Variants in DNTTIP2 observed in about 807,000 individuals in gnomAD.
The protein encoded by DNTTIP2 is deoxynucleotidyltransferase terminal-interacting protein 2.
DNTTIP2 carries 47 observed loss-of-function variants against 62.4 expected under a neutral mutation model. The ratio of observed to expected loss-of-function variants is 0.75; its 90% CI spans 0.60 to 0.96. The LOEUF is 0.96. Among genes scored for constraint, DNTTIP2 ranks in the 40% least tolerant of loss-of-function variants. DNTTIP2 has a pLI of 0.00. For synonymous variants in DNTTIP2, 322 were observed against 300.9 expected (o/e 1.07, Z -0.73); for missense variants, 870 against 849.1 (o/e 1.02, Z -0.31).
intron 1 of DNTTIP2, 40 bp downstream of exon 1, chr1:93,879,037 C>G (rs1424045952): frequency 3.1e-6 from 5 of 1,609,750 alleles, no homozygotes; most frequent in Non-Finnish European, 4.2e-6. Flanking sequence ...GAGCGCGGCT[C>G]TGCGAAGCGG....
intron 1 of DNTTIP2, 97 bp downstream of exon 1, chr1:93,878,980 G>C (rs922729171): frequency 9.5e-6 from 14 of 1,472,498 alleles, no homozygotes; most frequent in Non-Finnish European, 1.3e-5. Context: ...CCTCTCTGTC[G>C]GCAGGTCCTC....
In DNTTIP2 at chr1:93,869,070, T is replaced by C. The variant is rs1655790726; in HGVS notation, c.*781A>G. The C allele has an allele frequency of 6.6e-6, 1 of 151,804 alleles. No homozygotes were observed. The highest frequency in any genetic ancestry group is 2.4e-5 in the African/African-American group (1 of 41,290). The allele number at this position is 151,804 out of a possible 1,614,324, so 9.4% of individuals were successfully genotyped here. A position where few individuals can be genotyped will look rare whatever the true frequency, so the allele number is the denominator to read the frequency against. ...AATAGAGGTAAAGTGAATAGTAACA[T>C]AAAGGAAGCTACAACTCACCAAGTA... On this transcript the variant is annotated 3_prime_UTR_variant, in exon 7 of 7. Transcript: ENST00000436063.
rs757055781 is a variant in DNTTIP2 at position 93,877,191 on chromosome 1, T to C, written c.744A>G (p.Gln248=). 6.2e-7 allele frequency: 1 copy of C among 1,613,842 alleles called. No individual in the cohort carries two copies. Among genetic ancestry groups the C allele is most frequent in the Non-Finnish European group, 8.5e-7 (1 of 1,179,892 alleles). ...TATTTATCTCAGAAAGAGATCTTGC[T>C]TGTAAATGGGAAGTTTGTCTGGTAT... The part of the protein sequence containing the change: ...DSDTRQTSHL[Q]ARSLSEINKP... The change falls in exon 2 of 7, where the codon CAA becomes CAG. Residue 248 remains glutamine (Q), a synonymous_variant. Transcript: ENST00000436063.
In DNTTIP2 at chr1:93,876,788, T is replaced by C. The variant is rs1476640145; in HGVS notation, c.1147A>G (p.Ile383Val). Residue 383 changes from isoleucine (I) to valine (V), a missense_variant, in exon 2 of 7, where the codon ATA (isoleucine) becomes GTA (valine). Coordinates refer to ENST00000436063, the MANE Select transcript of DNTTIP2 (RefSeq NM_014597.5). The part of the protein sequence containing the change: ...GRWNNNKKSP[I>V]KASDLTKFGD... ...AACTTTGTCAAGTCACTTGCTTTTA[T>C]GGGGCTCTTTTTGTTGTTATTCCAT... The C allele has an allele frequency of 3.7e-6, 6 of 1,613,940 alleles. No individual in the cohort carries two copies. The highest frequency in any genetic ancestry group is 5.1e-6 in the Non-Finnish European group (6 of 1,179,884).
At position 93,877,377 on chromosome 1, in the gene DNTTIP2, A is replaced by C. The variant is rs763629508; in HGVS notation, c.558T>G (p.Ala186=). The change falls in exon 2 of 7, where the codon GCT becomes GCG. Residue 186 remains alanine, a synonymous_variant. Transcript: ENST00000436063. ...ATGAAATGTCTGAGCTTGATGTCTC[A>C]GCATCAGATATAGCTTCTGTATGAG... ...QESHTEAISD[A]ETSSSDISFS... 1.2e-6 allele frequency: 2 copies of C among 1,613,828 alleles called. No homozygotes were observed. Among genetic ancestry groups the C allele is most frequent in the South Asian group, 2.2e-5 (2 of 91,086 alleles).
At chr1:93,872,346 G>T in intron 4 of DNTTIP2, 110 bp from the exon 5 acceptor site, 1 of 1,094,506 alleles carries the variant, frequency 9.1e-7, no homozygotes, top group East Asian at 2.5e-5. Flanking sequence ...AAAACAAATG[G>T]TTACTTTATT....
In DNTTIP2 at chr1:93,876,453, A is replaced by T; in HGVS notation, c.1482T>A (p.Thr494=). 1 of 1,613,880 alleles carries T rather than the reference A, an allele frequency of 6.2e-7. No homozygotes were observed. The highest frequency in any genetic ancestry group is 8.5e-7 in the Non-Finnish European group (1 of 1,179,876). The change falls in exon 2 of 7, where the codon ACT becomes ACA. Residue 494 remains threonine, a synonymous_variant. Transcript: ENST00000436063. ...CDNALFVIDT[T]PGMSADKNFY... is the part of the protein sequence containing the mutation. ...AATTTTTATCAGCACTCATTCCAGG[A>T]GTTGTGTCAATTACAAACAATGCAT... is the stretch of plus-strand genomic sequence containing the variant.
chr1:93,878,829 G>A, intron 1 of DNTTIP2: 1 of 506,218 alleles, frequency 2.0e-6, no homozygotes, highest in South Asian at 2.7e-5. Context: ...CTGCATTAAG[G>A]AGTTGAACGA....
In DNTTIP2 at chr1:93,876,598, C is replaced by T. The variant is rs776242483; in HGVS notation, c.1337G>A (p.Ser446Asn). 1.2e-6 allele frequency: 2 copies of T among 1,613,892 alleles called. No homozygotes were observed. The highest frequency in any genetic ancestry group is 2.7e-5 in the African/African-American group (2 of 74,936). ...TTCAGACTGTTGGCTTTCATCACTGCTGAGAACTAGTAAGACAGAATTATC... is the reference window on the plus strand; with the variant it reads ...TTCAGACTGTTGGCTTTCATCACTGTTGAGAACTAGTAAGACAGAATTATC... ...GKDNSVLLVL[S>N]SDESQQSENS... Residue 446 changes from serine to asparagine, a missense_variant, in exon 2 of 7, where the codon AGC becomes AAC. Coordinates refer to ENST00000436063, the MANE Select transcript of DNTTIP2 (RefSeq NM_014597.5).
At chr1:93,873,299 AT>A in intron 3 of DNTTIP2, 85 bp from the exon 4 acceptor site, 1 of 1,087,166 alleles carries the variant, frequency 9.2e-7, no homozygotes, top group Non-Finnish European at 1.3e-6. Context: ...AAGTTTTAAA[AT>A]TTTTAGTCAG....
At position 93,869,678 on chromosome 1, in the gene DNTTIP2, A is replaced by G. The variant is rs1655808214; in HGVS notation, c.*173T>C. 1.8e-6 allele frequency: 1 copy of G among 558,872 alleles called. No individual in the cohort carries two copies. Among genetic ancestry groups the G allele is most frequent in the Admixed American group, 3.3e-5 (1 of 30,760 alleles). 34.6% of individuals were successfully genotyped at this position (558,872 alleles called of 1,614,324 possible). ...CAGGGTGGGTCTTTTAGACACCCCT[A>G]TTTTCTAAGGGCATGTAATCGATTC... On this transcript the variant is annotated 3_prime_UTR_variant, in exon 7 of 7. Coordinates refer to ENST00000436063, the MANE Select transcript of DNTTIP2 (RefSeq NM_014597.5).
Position 93,875,778 on chromosome 1 carries a change from T to TTCA in DNTTIP2, c.1670_1672dup (p.Leu557_Lys558insMet). On this transcript the variant is annotated inframe_insertion, in exon 3 of 7. Coordinates refer to ENST00000436063, the MANE Select transcript of DNTTIP2 (RefSeq NM_014597.5). ...AGGGTCTATGCTGCTGCTTGTCAAC[T>TTCA]TCAGACTGAAAAAGAAATCATCACT... 1 of 1,606,946 alleles carries TTCA rather than the reference T, an allele frequency of 6.2e-7. No homozygotes were observed. The highest frequency in any genetic ancestry group is 8.5e-7 in the Non-Finnish European group (1 of 1,178,212).
Position 93,875,742 on chromosome 1 carries a change from A to C in DNTTIP2, c.1709T>G (p.Ile570Ser), listed in dbSNP as rs1251449254. 4 of 1,613,252 alleles carry C rather than the reference A, an allele frequency of 2.5e-6. No homozygotes were observed. Among genetic ancestry groups the C allele is most frequent in the Middle Eastern group, 1.6e-4 (1 of 6,080 alleles). ...AATATACAAACCACCCAACTGCTTG[A>C]TACTCAGACCAGGGTCTATGCTGCT... ...TSSSIDPGLS[I>S]KQLGGLYINF... Residue 570 changes from isoleucine (I) to serine (S), a missense_variant, in exon 3 of 7, where the codon ATC (isoleucine) becomes AGC (serine). Coordinates refer to ENST00000436063, the MANE Select transcript of DNTTIP2 (RefSeq NM_014597.5).
intron 1 of DNTTIP2, 153 bp from the exon 2 acceptor site, chr1:93,878,015 A>G (rs1210211670): frequency 3.1e-6 from 4 of 1,272,094 alleles, no homozygotes; most frequent in East Asian, 5.2e-5. Flanking sequence ...TTTTTAAAAA[A>G]TCAAAATTTG....
Position 93,873,218 on chromosome 1 carries a change from T to C in DNTTIP2, c.1807-4A>G, listed in dbSNP as rs748222327. ...TAATGACGGCTTTCTGCAGAAGCTA[T>C]AAAAACATAAAATTGGTTTTAAAAT... On this transcript the variant is annotated splice_region_variant and splice_polypyrimidine_tract_variant and intron_variant, in intron 3 of 6. Transcript: ENST00000436063. 6.3e-7 allele frequency: 1 copy of C among 1,599,220 alleles called. No homozygotes were observed. The highest frequency in any genetic ancestry group is 1.7e-5 in the Admixed American group (1 of 59,114).
Position 93,873,112 on chromosome 1 carries a change from T to C in DNTTIP2, c.1902+7A>G, listed in dbSNP as rs1179591566. On this transcript the variant is annotated splice_region_variant and intron_variant, in intron 4 of 6. Coordinates refer to ENST00000436063, the MANE Select transcript of DNTTIP2 (RefSeq NM_014597.5). ...TCTAAGCATTTTAATTAAGTCACTG[T>C]ACTTACTCTGCGTTTTTTCTGAAGT... The C allele has an allele frequency of 6.3e-7, 1 of 1,590,498 alleles. No individual in the cohort carries two copies. Among genetic ancestry groups the C allele is most frequent in the Admixed American group, 1.7e-5 (1 of 59,198 alleles).
chr1:93,872,278 A>T (rs777399862), intron 4 of DNTTIP2, 42 bp from the exon 5 acceptor site: 3 of 1,584,050 alleles, frequency 1.9e-6, no homozygotes, highest in Non-Finnish European at 2.6e-6. Context: ...AACAGCTAAG[A>T]GTATACATTA....
chr1:93,875,559 G>T, intron 3 of DNTTIP2, 86 bp downstream of exon 3: 2 of 1,414,840 alleles, frequency 1.4e-6, no homozygotes, highest in Non-Finnish European at 1.9e-6. Flanking sequence ...TGGTTTCACT[G>T]TAGGAAAATT....
intron 1 of DNTTIP2, 188 bp downstream of exon 1, chr1:93,878,885 TAAGA>T: frequency 1.5e-6 from 1 of 677,802 alleles, no homozygotes; most frequent in Non-Finnish European, 2.4e-6. Flanking sequence ...AAAATTGCCT[TAAGA>T]GACAGTGGTG....
Sources: allele counts gnomAD v4.1 joint callset, GRCh38; gene constraint gnomAD v4.1.1; transcripts MANE v1.5; gene names NCBI Gene and HGNC (gene_info 2026-07-23, HGNC 2026-07-21).